HSPH1: variants seen among roughly 807,000 people sequenced by gnomAD.
HSPH1 encodes the protein heat shock protein 105 kDa.
In HSPH1, 40 loss-of-function variants were observed where a neutral mutation model predicts 100.0. The ratio of observed to expected loss-of-function variants is 0.40; its 90% CI spans 0.31 to 0.52. The LOEUF (loss-of-function observed/expected upper bound fraction) is 0.52. Ranked by LOEUF, HSPH1 falls within the 20% of genes least tolerant of loss-of-function variation. The pLI is 0.54. For synonymous variants in HSPH1, 403 were observed against 344.0 expected (o/e 1.17, Z -1.90); for missense variants, 876 against 1,015.1 (o/e 0.86, Z 1.86).
At chr13:31,161,318 T>TCTGGCCGGGTCG (rs1956900136) in intron 1 of HSPH1, among the ~76,000 whole-genome samples, 158 bp downstream of exon 1, 1 of 152,124 alleles carries the variant, frequency 6.6e-6, no homozygotes, top group African/African-American at 2.4e-5. Context: ...CCATCCCTCC[T>TCTGGCCGGGTCG]CTGGCCGGGT....
rs1555238879 is a variant in HSPH1 at position 31,161,654 on chromosome 13, C to G, written c.-72G>C. 3.7e-5 allele frequency: 59 copies of G among 1,590,014 alleles called. 1 individual carries two copies. In the South Asian group the frequency reaches 6.1e-4, roughly 17 times the overall value. ...CCGGCCCCCTGCCTGCTTCTCCTGC[C>G]GCCGCTTTCTGCCCTGGCCGCGTTC... On this transcript the variant is annotated 5_prime_UTR_variant, in exon 1 of 18. Coordinates refer to ENST00000320027, the MANE Select transcript of HSPH1 (RefSeq NM_006644.4).
In HSPH1 at chr13:31,137,624, C is replaced by T. The variant is rs1593706767; in HGVS notation, c.2371-100G>A. 3.2e-5 allele frequency: 25 copies of T among 770,054 alleles called. 1 individual carries two copies. In the South Asian group the frequency reaches 4.2e-4, roughly 13 times the overall value. 47.7% of individuals were successfully genotyped at this position (770,054 alleles called of 1,614,324 possible). ...TCAACCCACTATTTTTCTACCAACT[C>T]CAATTACACATAAAATAATTACATT... On this transcript the variant is annotated intron_variant, in intron 17 of 17. Coordinates refer to ENST00000320027, the MANE Select transcript of HSPH1 (RefSeq NM_006644.4).
Position 31,152,946 on chromosome 13 carries a change from G to C in HSPH1, c.435C>G (p.Pro145=), listed in dbSNP as rs151291094. ...GCCTCTCAGCATCTGTAAAGAAGGA[G>C]GGGACCTACAAACAAACAAAAAATT... ...KPVTDCVISV[P]SFFTDAERRS... The change falls in exon 5 of 18, where the codon CCC becomes CCG. Residue 145 remains proline, a synonymous_variant. Coordinates refer to ENST00000320027, the MANE Select transcript of HSPH1 (RefSeq NM_006644.4). 1.2e-6 allele frequency: 2 copies of C among 1,609,502 alleles called. No individual in the cohort carries two copies. The highest frequency in any genetic ancestry group is 1.7e-6 in the Non-Finnish European group (2 of 1,176,772).
chr13:31,158,694 A>G (rs1254740245), intron 2 of HSPH1, 112 bp downstream of exon 2: 1 of 674,322 alleles, frequency 1.5e-6, no homozygotes, highest in Non-Finnish European at 2.7e-6. Context: ...CATTTTTAAA[A>G]CTCAAAAATA....
At chr13:31,154,090 AC>A in intron 4 of HSPH1, 1 of 174,108 alleles carries the variant, frequency 5.7e-6, no homozygotes, top group Non-Finnish European at 1.2e-5. Context: ...TCAAGAAGTG[AC>A]CCAAGACACC....
At chr13:31,155,110 G>A (rs945555011) in intron 3 of HSPH1, among the ~76,000 whole-genome samples, 4 of 152,144 alleles carry the variant, frequency 2.6e-5, no homozygotes, top group Non-Finnish European at 4.4e-5. Flanking sequence ...ATATTATTGT[G>A]TGTTGATCAC....
intron 1 of HSPH1, among the ~76,000 whole-genome samples, chr13:31,159,208 G>A (rs1680032604): frequency 6.6e-6 from 1 of 152,220 alleles, no homozygotes; most frequent in African/African-American, 2.4e-5. Context: ...ACAAAAAATA[G>A]GATGTGACTC....
Position 31,145,872 on chromosome 13 carries a change from C to A in HSPH1, c.1379-104G>T, listed in dbSNP as rs149783003. 2.5e-4 allele frequency: 256 copies of A among 1,038,412 alleles called. No individual in the cohort carries two copies. The African/African-American group carries it at 3.5e-3, about 14-fold the overall frequency. The allele number at this position is 1,038,412 out of a possible 1,614,324, so 64.3% of individuals were successfully genotyped here. The stretch of plus-strand genomic sequence containing the variant: ...GGGTGGTTCATGTCTGTAATCCCAG[C>A]ACTTTGGGAGGCCGTGGTGGGTCAC... On this transcript the variant is annotated intron_variant, in intron 10 of 17. Coordinates refer to ENST00000320027, the MANE Select transcript of HSPH1 (RefSeq NM_006644.4).
intron 11 of HSPH1, among the ~76,000 whole-genome samples, chr13:31,145,189 A>G (rs12876503): frequency 0.37 from 55,927 of 152,056 alleles, 11,372 homozygotes; most frequent in Non-Finnish European, 0.47. Flanking sequence ...AAAAACTTTA[A>G]TATTTGGTAG....
chr13:31,162,186 C>T (rs997062519), upstream of HSPH1: 3 of 1,146,588 alleles, frequency 2.6e-6, no homozygotes, highest in South Asian at 4.0e-5. Context: ...CCTAATAAAA[C>T]AGGCAACGAA....
chr13:31,159,442 A>G (rs1956817266), intron 1 of HSPH1, among the ~76,000 whole-genome samples: 1 of 152,250 alleles, frequency 6.6e-6, no homozygotes, highest in Non-Finnish European at 1.5e-5. Context: ...ATGGCAAAAC[A>G]GAATATAAAT....
At chr13:31,152,473 TCAGTA>T in intron 5 of HSPH1, 1 of 226,204 alleles carries the variant, frequency 4.4e-6, no homozygotes, top group South Asian at 6.7e-5. Context: ...TATCTACAGT[TCAGTA>T]GATAAAAAAA....
rs1956486792 is a variant in HSPH1 at position 31,151,530 on chromosome 13, G to C, written c.663+79C>G. 7 of 1,320,162 alleles carry C rather than the reference G, an allele frequency of 5.3e-6. No individual in the cohort carries two copies. The Admixed American group carries it at 1.0e-4, about 19-fold the overall frequency. The allele number at this position is 1,320,162 out of a possible 1,614,324, so 81.8% of individuals were successfully genotyped here. ...AACTCTTCATTACCAAGAAGAAAAA[G>C]CCTAGTAAAGAGGCTCAGTAGCTTA... is the stretch of plus-strand genomic sequence containing the variant. On this transcript the variant is annotated intron_variant, in intron 6 of 17. Coordinates refer to ENST00000320027, the MANE Select transcript of HSPH1 (RefSeq NM_006644.4).
chr13:31,150,103 G>A lies in HSPH1; in HGVS notation c.988C>T (p.Leu330Phe), dbSNP rs757949625. ...ACTGCACTCACATCTTCTACTTTGA[G>A]ATGAGTTTGTTCCAACAGTGAATAA... ...PLYSLLEQTH[L>F]KVEDVSAVEI... The change falls in exon 8 of 18, where the codon CTC becomes TTC. Residue 330 changes from leucine to phenylalanine, a missense_variant. Transcript: ENST00000320027. The A allele has an allele frequency of 6.2e-7, 1 of 1,613,684 alleles. No individual in the cohort carries two copies. The highest frequency in any genetic ancestry group is 2.2e-5 in the East Asian group (1 of 44,868).
At position 31,145,559 on chromosome 13, in the gene HSPH1, T is replaced by C; in HGVS notation, c.1584+4A>G. 1 of 1,611,450 alleles carries C rather than the reference T, an allele frequency of 6.2e-7. No individual in the cohort carries two copies. Among genetic ancestry groups the C allele is most frequent in the South Asian group, 1.1e-5 (1 of 91,014 alleles). ...CAAACACAAAGGTTTATCCACAAAC[T>C]TACATCAGTGTCTGGGTTTTCTGGT... On this transcript the variant is annotated splice_donor_region_variant and intron_variant, in intron 11 of 17. Transcript: ENST00000320027.
At chr13:31,140,534 C>G (rs1371142589) in intron 13 of HSPH1, 1 of 273,312 alleles carries the variant, frequency 3.7e-6, no homozygotes, top group African/African-American at 2.4e-5. Flanking sequence ...ACCGATTACA[C>G]AGACTTCATA....
rs1369442250 is a variant in HSPH1 at position 31,151,739 on chromosome 13, G to A, written c.533C>T (p.Ala178Val). ...CTGCTTATAAATTCCGTAATTCAAA[G>A]CAACTACAAAAAATAAGTATGTTTC... ...LRLMNDMTAV[A>V]LNYGIYKQDL... The change falls in exon 6 of 18, where the codon GCT becomes GTT. Residue 178 changes from alanine to valine, a missense_variant. Ala to Val is a moderately conservative substitution (Grantham distance 64, BLOSUM62 0). Coordinates refer to ENST00000320027, the MANE Select transcript of HSPH1 (RefSeq NM_006644.4). 1 of 1,599,402 alleles carries A rather than the reference G, an allele frequency of 6.3e-7. No homozygotes were observed. Among genetic ancestry groups the A allele is most frequent in the Admixed American group, 1.8e-5 (1 of 56,252 alleles).
intron 8 of HSPH1, among the ~76,000 whole-genome samples, chr13:31,149,103 GAAGAA>G (rs1267629709): frequency 6.6e-6 from 1 of 152,026 alleles, no homozygotes. Context: ...CTCTACTTCT[GAAGAA>G]AATATAAACT....
At chr13:31,160,751 T>TA (rs1198869995) in intron 1 of HSPH1, among the ~76,000 whole-genome samples, 1 of 152,164 alleles carries the variant, frequency 6.6e-6, no homozygotes, top group Non-Finnish European at 1.5e-5. Context: ...ATTTTAAAAA[T>TA]ACGGTTTACA....
Sources: allele counts gnomAD v4.1 joint callset (sites outside exome capture counted in the v4.1 genomes callset), GRCh38; gene constraint gnomAD v4.1.1; transcripts MANE v1.5; gene names NCBI Gene and HGNC (gene_info 2026-07-23, HGNC 2026-07-21).